CNTN4: variants seen among roughly 807,000 people sequenced by gnomAD.
CNTN4 encodes contactin 4, also known as contactin-4.
In CNTN4, 77 loss-of-function variants were observed where a neutral mutation model predicts 122.5. The observed-to-expected ratio is 0.63, with a 90% CI of 0.52 to 0.76. CNTN4 has a LOEUF of 0.76. Ranked by LOEUF, CNTN4 falls within the 30% of genes least tolerant of loss-of-function variation. CNTN4 has a pLI of 0.00. For missense variants in CNTN4, 1,256 were observed against 1,259.1 expected, an observed-to-expected ratio of 1.00 and a Z score of 0.04; for synonymous variants, 512 against 447.0, an observed-to-expected ratio of 1.15 and a Z score of -1.83.
In CNTN4 at chr3:2,745,685, C is replaced by G; in HGVS notation, c.346C>G (p.Leu116Val). The change falls in exon 6 of 25, where the codon CTT becomes GTT. Residue 116 changes from leucine to valine, a missense_variant. By Grantham distance (32) the Leu-to-Val change is conservative. Transcript: ENST00000418658. The stretch of plus-strand genomic sequence containing the variant: ...AACAATTGTTAGCAGAGAAGCAAAG[C>G]TTCAGTTTGCTTGTAAGTAGCAATT... ...FGTIVSREAK[L>V]QFAYLDNFKT... is the part of the protein sequence containing the mutation. 1 of 1,613,934 alleles carries G rather than the reference C, an allele frequency of 6.2e-7. No homozygotes were observed. Among genetic ancestry groups the G allele is most frequent in the South Asian group, 1.1e-5 (1 of 91,078 alleles).
chr3:2,252,286 C>G (rs1342946293), intron 2 of CNTN4, among the ~76,000 whole-genome samples: 1 of 151,880 alleles, frequency 6.6e-6, no homozygotes, highest in African/African-American at 2.4e-5. Flanking sequence ...ACTTCATTTT[C>G]AAATGGATCT....
chr3:2,138,531 C>A (rs929412862), intron 2 of CNTN4, among the ~76,000 whole-genome samples: 2 of 152,090 alleles, frequency 1.3e-5, no homozygotes, highest in Non-Finnish European at 2.9e-5. Context: ...GTTGAGATCA[C>A]CACTAGAATA....
rs562557590 is a variant in CNTN4 at position 2,437,982 on chromosome 3, G to A, written c.-89+98749G>A. Among the ~76,000 whole-genome samples the A allele has an allele frequency of 2.6e-4, 39 of 152,236 alleles. 2 individuals are homozygous for A. In the South Asian group the frequency reaches 3.9e-3, roughly 15 times the overall value. On this transcript the variant is annotated intron_variant, in intron 3 of 24. Transcript: ENST00000418658. ...TAGATCCATTCCCAGCATCAAAATTGGTACTGCATTATATTTTAAGCCTAT... is the reference window on the plus strand; with the variant it reads ...TAGATCCATTCCCAGCATCAAAATTAGTACTGCATTATATTTTAAGCCTAT...
At chr3:2,809,766 T>G (rs982514079) in intron 6 of CNTN4, among the ~76,000 whole-genome samples, 3 of 152,192 alleles carry the variant, frequency 2.0e-5, no homozygotes, top group African/African-American at 7.2e-5. Context: ...ATCTCACTAA[T>G]TGTAGTAACC....
At chr3:3,014,068 ACACACAC>A (rs1697499992) in intron 14 of CNTN4, among the ~76,000 whole-genome samples, 1 of 151,858 alleles carries the variant, frequency 6.6e-6, no homozygotes, top group Non-Finnish European at 1.5e-5. Flanking sequence ...ACACACACAC[ACACACAC>A]ACACACACAC....
intron 3 of CNTN4, among the ~76,000 whole-genome samples, chr3:2,458,835 A>G (rs1179352264): frequency 6.6e-6 from 1 of 152,190 alleles, no homozygotes; most frequent in Non-Finnish European, 1.5e-5. Context: ...TGGTGACTAT[A>G]ATGCAGGGTA....
intron 13 of CNTN4, among the ~76,000 whole-genome samples, chr3:2,934,468 CTG>C (rs1367195795): frequency 5.9e-5 from 9 of 152,258 alleles, no homozygotes; most frequent in African/African-American, 1.7e-4. Flanking sequence ...CTGCACAACT[CTG>C]TGTTGCACAC....
chr3:2,799,918 A>G (rs999444837), intron 6 of CNTN4, among the ~76,000 whole-genome samples: 1 of 151,844 alleles, frequency 6.6e-6, no homozygotes, highest in Non-Finnish European at 1.5e-5. Context: ...ATTTTTGTCA[A>G]TTTTGTCAAA....
At chr3:2,946,406 C>A (rs1420429880) in intron 13 of CNTN4, among the ~76,000 whole-genome samples, 5 of 152,072 alleles carry the variant, frequency 3.3e-5, no homozygotes, top group African/African-American at 1.2e-4. Context: ...CATGACATGT[C>A]TCATAATTAA....
chr3:2,621,160 A>C (rs201812588), intron 4 of CNTN4, among the ~76,000 whole-genome samples: 1,931 of 151,956 alleles, frequency 0.013, 16 homozygotes, highest in East Asian at 0.018. Flanking sequence ...AACGTTAAGC[A>C]CCCCCTGTTC....
At chr3:2,327,513 TA>T (rs2043513244) in intron 2 of CNTN4, among the ~76,000 whole-genome samples, 1 of 152,218 alleles carries the variant, frequency 6.6e-6, no homozygotes, top group South Asian at 2.1e-4. Context: ...TCTCCCTCTT[TA>T]GGAAAGAAAA....
At chr3:2,435,931 T>A (rs903162533) in intron 3 of CNTN4, among the ~76,000 whole-genome samples, 1 of 152,190 alleles carries the variant, frequency 6.6e-6, no homozygotes, top group African/African-American at 2.4e-5. Context: ...TGTGCCTTTA[T>A]TGGCAAAGTA....
chr3:2,325,182 A>C (rs151105617), intron 2 of CNTN4, among the ~76,000 whole-genome samples: 92 of 152,334 alleles, frequency 6.0e-4, no homozygotes, highest in African/African-American at 2.1e-3. Flanking sequence ...TTGATGTCAC[A>C]TAAGAGCGAA....
At chr3:2,268,778 T>G (rs935843254) in intron 2 of CNTN4, among the ~76,000 whole-genome samples, 2 of 152,188 alleles carry the variant, frequency 1.3e-5, no homozygotes, top group Admixed American at 6.6e-5. Flanking sequence ...ATCAGCCACC[T>G]GCATGCAAAC....
chr3:2,126,934 A>T (rs949378186), intron 2 of CNTN4, among the ~76,000 whole-genome samples: 1 of 152,170 alleles, frequency 6.6e-6, no homozygotes, highest in Non-Finnish European at 1.5e-5. Flanking sequence ...CCTCACCTAG[A>T]TGGAGGGTGG....
intron 4 of CNTN4, among the ~76,000 whole-genome samples, chr3:2,647,000 T>C (rs954151095): frequency 6.6e-6 from 1 of 152,176 alleles, no homozygotes; most frequent in East Asian, 1.9e-4. Context: ...AATGCCAAGG[T>C]TGAATTTCCC....
chr3:3,016,769 T>G (rs545727268), intron 14 of CNTN4, among the ~76,000 whole-genome samples: 1 of 152,304 alleles, frequency 6.6e-6, no homozygotes, highest in Admixed American at 6.5e-5. Flanking sequence ...TCAATTGGCT[T>G]GTGCATAGTA....
rs1037406341 is a variant in CNTN4, at chr3:2,376,940, G to A, written c.-89+37707G>A. Among the ~76,000 whole-genome samples, 6 of 152,064 alleles carry A rather than the reference G, an allele frequency of 3.9e-5. No individual in the cohort carries two copies. In the East Asian group the frequency reaches 7.8e-4, roughly 20 times the overall value. ...TGGGAGACTGAGGCGGGTGGATCACGAAGTCAAAAGATCGAGACCATCCTG... is the reference window on the plus strand; with the variant it reads ...TGGGAGACTGAGGCGGGTGGATCACAAAGTCAAAAGATCGAGACCATCCTG... On this transcript the variant is annotated intron_variant, in intron 3 of 24. Coordinates refer to ENST00000418658, the MANE Select transcript of CNTN4 (RefSeq NM_175607.3).
chr3:2,754,992 G>T (rs1166953028), intron 6 of CNTN4, among the ~76,000 whole-genome samples: 4 of 152,144 alleles, frequency 2.6e-5, no homozygotes, highest in African/African-American at 9.7e-5. Flanking sequence ...CAACTGTAAT[G>T]ATGGTGGTGG....
Sources: allele counts gnomAD v4.1 joint callset (sites outside exome capture counted in the v4.1 genomes callset), GRCh38; gene constraint gnomAD v4.1.1; transcripts MANE v1.5; gene names NCBI Gene and HGNC (gene_info 2026-07-23, HGNC 2026-07-21).